The following CD244 variants were observed in gnomAD, a reference collection of about 807,000 sequenced individuals.
CD244 encodes the protein CD244 molecule, also known as natural killer cell receptor 2B4.
In CD244, 20 loss-of-function variants were observed where a neutral mutation model predicts 45.5. The ratio of observed to expected loss-of-function variants is 0.44; its 90% CI spans 0.31 to 0.64. CD244 has a LOEUF of 0.64. Among genes scored for constraint, CD244 ranks in the 30% least tolerant of loss-of-function variants. CD244 has a pLI of 0.08. For synonymous variants in CD244, 185 were observed against 160.5 expected (o/e 1.15, Z -1.15); for missense variants, 407 against 426.9 (o/e 0.95, Z 0.41).
At chr1:160,842,984 G>T (rs1669600432) in intron 1 of CD244, among the ~76,000 whole-genome samples, 1 of 152,144 alleles carries the variant, frequency 6.6e-6, no homozygotes, top group Non-Finnish European at 1.5e-5. Flanking sequence ...ATTTGGAAGA[G>T]AAAATAAGAG....
rs1285572125 is a variant in CD244 at position 160,848,360 on chromosome 1, G to C, written c.62-6459C>G. The C allele has an allele frequency of 5.2e-6, 3 of 572,344 alleles. No individual in the cohort carries two copies. The African/African-American group carries it at 5.6e-5, about 11-fold the overall frequency. The allele number at this position is 572,344 out of a possible 1,614,324, so 35.5% of individuals were successfully genotyped here. A position where few individuals can be genotyped will look rare whatever the true frequency, so the allele number is the denominator to read the frequency against. On this transcript the variant is annotated intron_variant, in intron 1 of 8. Coordinates refer to ENST00000368034, the MANE Select transcript of CD244 (RefSeq NM_016382.4). ...TTCCCAGTTTTTCATCTACATTGCC[G>C]AGACTGAATGGATGGATGGCAAGCG... is the stretch of plus-strand genomic sequence containing the variant.
intron 1 of CD244, among the ~76,000 whole-genome samples, chr1:160,857,646 G>A (rs1670158015): frequency 6.6e-6 from 1 of 152,208 alleles, no homozygotes; most frequent in Non-Finnish European, 1.5e-5. Flanking sequence ...AGAACATGTG[G>A]TAGACACAAG....
rs114395461 is a variant in CD244 at position 160,861,274 on chromosome 1, T to C, written c.61+1343A>G. Among the ~76,000 whole-genome samples the C allele has an allele frequency of 4.5e-3, 685 of 152,320 alleles. 5 individuals carry two copies. The highest frequency in any genetic ancestry group is 0.015 in the African/African-American group (643 of 41,564). Reference sequence around the variant, plus strand: ...CTGCTCCCTGTTCCTCATCATGCTCTGCCCTAGGCTGCCTGCATCCTTACA... The same window carrying C: ...CTGCTCCCTGTTCCTCATCATGCTCCGCCCTAGGCTGCCTGCATCCTTACA... On this transcript the variant is annotated intron_variant, in intron 1 of 8. Coordinates refer to ENST00000368034, the MANE Select transcript of CD244 (RefSeq NM_016382.4).
At chr1:160,846,733 GA>G (rs1189426023) in intron 1 of CD244, among the ~76,000 whole-genome samples, 1 of 152,070 alleles carries the variant, frequency 6.6e-6, no homozygotes, top group African/African-American at 2.4e-5. Context: ...AAAACGGAAA[GA>G]ATTTGTCACA....
chr1:160,856,788 G>A (rs1466673509), intron 1 of CD244, among the ~76,000 whole-genome samples: 1 of 151,732 alleles, frequency 6.6e-6, no homozygotes, highest in Admixed American at 6.6e-5. Context: ...GACCTCAAAA[G>A]CACAGGCAAC....
At chr1:160,843,812 C>G (rs1434018255) in intron 1 of CD244, among the ~76,000 whole-genome samples, 1 of 152,204 alleles carries the variant, frequency 6.6e-6, no homozygotes, top group African/African-American at 2.4e-5. Context: ...ATCAGCATTT[C>G]TGACTGTTGT....
intron 1 of CD244, among the ~76,000 whole-genome samples, chr1:160,855,174 G>T (rs1360854567): frequency 6.6e-6 from 1 of 152,204 alleles, no homozygotes; most frequent in East Asian, 1.9e-4. Flanking sequence ...GGAGGTTGTT[G>T]GTTTGTGGAG....
Position 160,838,972 on chromosome 1 carries a change from C to T in CD244, c.733G>A (p.Val245Met), listed in dbSNP as rs1263345394. 6.2e-7 allele frequency: 1 copy of T among 1,613,936 alleles called. No homozygotes were observed. The highest frequency in any genetic ancestry group is 1.3e-5 in the African/African-American group (1 of 74,918). The change falls in exon 4 of 9, where the codon GTG becomes ATG. Residue 245 changes from valine (V) to methionine (M), a missense_variant. By Grantham distance (21) the Val-to-Met change is conservative. Coordinates refer to ENST00000368034, the MANE Select transcript of CD244 (RefSeq NM_016382.4). ...TTCTCCTTCCTCTTTCTCCTCCACACACAGAAGCAGGCAAGGGTGCCAAGG... is the reference window on the plus strand; with the variant it reads ...TTCTCCTTCCTCTTTCTCCTCCACATACAGAAGCAGGCAAGGGTGCCAAGG... Reference protein sequence around the residue: ...LFLGTLACFCVWRRKRKEKQS... With the variant: ...LFLGTLACFCMWRRKRKEKQS...
intron 1 of CD244, among the ~76,000 whole-genome samples, chr1:160,846,173 C>T (rs7536747): frequency 0.042 from 6,392 of 152,188 alleles, 470 homozygotes; most frequent in African/African-American, 0.15. Flanking sequence ...ATACACTGCA[C>T]TCTATTTATA....
rs114084846 is a variant in CD244 at position 160,842,373 on chromosome 1, C to G, written c.62-472G>C. On this transcript the variant is annotated intron_variant, in intron 1 of 8. Coordinates refer to ENST00000368034, the MANE Select transcript of CD244 (RefSeq NM_016382.4). ...TGAGGTGATCCTCCCATCTCAACCT[C>G]CCTAGTAGCTGGGAGCACAGGTGCT... 4.9e-4 allele frequency among the ~76,000 whole-genome samples: 75 copies of G among 152,220 alleles called. 1 individual carries two copies. The highest frequency in any genetic ancestry group is 1.8e-3 in the African/African-American group (74 of 41,538).
At position 160,836,200 on chromosome 1, in the gene CD244, A is replaced by T. The variant is rs1669324811; in HGVS notation, c.889T>A (p.Ser297Thr). 4 of 1,613,352 alleles carry T rather than the reference A, an allele frequency of 2.5e-6. No individual in the cohort carries two copies. Among genetic ancestry groups the T allele is most frequent in the Non-Finnish European group, 3.4e-6 (4 of 1,179,278 alleles). Residue 297 changes from serine to threonine, a missense_variant, in exon 6 of 9, where the codon TCC becomes ACC. Physicochemically the swap from Ser to Thr is moderately conservative, Grantham distance 58. Transcript: ENST00000368034. ...GGSTIYSMIQSQSSAPTSQEP... is the reference protein window; with the variant it reads ...GGSTIYSMIQTQSSAPTSQEP... ...TAGAGAAACTGGAGAGGTACCTGGG[A>T]CTGGATCATAGAGTAGATGGTGCTC...
In CD244 at chr1:160,862,754, A is replaced by G; in HGVS notation, c.-77T>C. 2.3e-6 allele frequency: 3 copies of G among 1,314,388 alleles called. No individual in the cohort carries two copies. The highest frequency in any genetic ancestry group is 3.3e-6 in the Non-Finnish European group (3 of 922,704). 81.4% of individuals were successfully genotyped at this position (1,314,388 alleles called of 1,614,324 possible). On this transcript the variant is annotated 5_prime_UTR_variant, in exon 1 of 9. Transcript: ENST00000368034. ...GCCGTGCACGGGCTCAGCAGTCCCCAGTCAGCAAGAGGACGATGGGGAGCA... is the reference window on the plus strand; with the variant it reads ...GCCGTGCACGGGCTCAGCAGTCCCCGGTCAGCAAGAGGACGATGGGGAGCA...
intron 1 of CD244, among the ~76,000 whole-genome samples, chr1:160,845,836 A>G (rs1302571574): frequency 2.6e-5 from 4 of 151,928 alleles, no homozygotes; most frequent in Non-Finnish European, 4.4e-5. Flanking sequence ...AACCTGGGCA[A>G]CAAGAGTGAA....
chr1:160,851,848 A>G lies in CD244; in HGVS notation c.62-9947T>C, dbSNP rs142601568. Among the ~76,000 whole-genome samples, 372 of 152,222 alleles carry G rather than the reference A, an allele frequency of 2.4e-3. 3 individuals carry two copies. The highest frequency in any genetic ancestry group is 2.5e-3 in the Non-Finnish European group (171 of 68,010). ...ATGAGCCACTGCACCCAGACAACAA[A>G]TGTTTCTTTAACAGGACACACACAC... is the stretch of plus-strand genomic sequence containing the variant. On this transcript the variant is annotated intron_variant, in intron 1 of 8. Coordinates refer to ENST00000368034, the MANE Select transcript of CD244 (RefSeq NM_016382.4).
chr1:160,861,411 C>T (rs1670297806), intron 1 of CD244, among the ~76,000 whole-genome samples: 1 of 152,210 alleles, frequency 6.6e-6, no homozygotes. Flanking sequence ...GCATATGGGG[C>T]TTCTACCTGG....
At chr1:160,834,753 T>G (rs528817896) in intron 6 of CD244, among the ~76,000 whole-genome samples, 10 of 152,336 alleles carry the variant, frequency 6.6e-5, no homozygotes, top group African/African-American at 2.4e-4. Flanking sequence ...AGTCAGGCAG[T>G]GCGTACACAG....
rs556391446 is a variant in CD244 at position 160,838,874 on chromosome 1, G to T, written c.766+65C>A. The T allele has an allele frequency of 2.1e-4, 220 of 1,058,662 alleles. 1 individual carries two copies. The African/African-American group carries it at 3.1e-3, about 15-fold the overall frequency. The allele number at this position is 1,058,662 out of a possible 1,614,324, so 65.6% of individuals were successfully genotyped here. On this transcript the variant is annotated intron_variant, in intron 4 of 8. Coordinates refer to ENST00000368034, the MANE Select transcript of CD244 (RefSeq NM_016382.4). ...TGCTCCCAGACACATCCCACTGGAC[G>T]CAGGACAAAGTCACAGGATCCAAGG...
intron 4 of CD244, 200 bp from the exon 5 acceptor site, chr1:160,838,718 A>T (rs1251585525): frequency 1.6e-6 from 1 of 617,102 alleles, no homozygotes; most frequent in Non-Finnish European, 2.9e-6. Flanking sequence ...CTCCCAAACC[A>T]GCTGTCTACA....
rs5778184 is a variant in CD244 at position 160,853,782 on chromosome 1, TAAAAAAA to T, written c.61+8828_61+8834del. Among the ~76,000 whole-genome samples the T allele has an allele frequency of 6.3e-5, 6 of 94,726 alleles. 1 individual carries two copies. The South Asian group carries it at 1.1e-3, about 17-fold the overall frequency. 62.1% of individuals were successfully genotyped at this position (94,726 alleles called of 152,430 possible). On this transcript the variant is annotated intron_variant, in intron 1 of 8. Coordinates refer to ENST00000368034, the MANE Select transcript of CD244 (RefSeq NM_016382.4). ...CTGGGTGACAGAGCAAGACCCTGCC[TAAAAAAA>T]AAAAAAAAAAAAAAAAAAAGTGAAA...
Sources: gnomAD v4.1 joint callset for allele counts (sites outside exome capture counted in the v4.1 genomes callset) on GRCh38, gnomAD v4.1.1 for gene constraint, MANE v1.5 for transcripts, NCBI Gene and HGNC (gene_info 2026-07-23, HGNC 2026-07-21) for gene names.